SYN3: variants seen among roughly 807,000 people sequenced by gnomAD.
The protein encoded by SYN3 is synapsin III.
A neutral mutation model predicts 65.8 loss-of-function variants in SYN3; 35 were observed. The ratio of observed to expected loss-of-function variants is 0.53; its 90% CI spans 0.41 to 0.70. SYN3 has a LOEUF of 0.70. Ranked by LOEUF, SYN3 falls within the 30% of genes least tolerant of loss-of-function variation. The pLI is 0.00. For missense variants in SYN3, 680 were observed against 749.0 expected (o/e 0.91, Z 1.08); for synonymous variants, 270 against 292.9 (o/e 0.92, Z 0.80).
intron 4 of SYN3, among the ~76,000 whole-genome samples, chr22:32,898,377 A>C (rs2049658995): frequency 6.6e-6 from 1 of 152,146 alleles, no homozygotes; most frequent in Non-Finnish European, 1.5e-5. Flanking sequence ...TCTGAACCCC[A>C]GTTTCCTTGT....
At chr22:32,570,118 C>T (rs149726237) in intron 7 of SYN3, among the ~76,000 whole-genome samples, 2 of 152,252 alleles carry the variant, frequency 1.3e-5, no homozygotes, top group African/African-American at 2.4e-5. Flanking sequence ...GCATAGCTTC[C>T]GAGGTCGATT....
At chr22:32,521,295 G>GC (rs1316548938) in intron 12 of SYN3, among the ~76,000 whole-genome samples, 2 of 152,222 alleles carry the variant, frequency 1.3e-5, no homozygotes, top group East Asian at 3.9e-4. Context: ...AAACGCAGGA[G>GC]CCCCTAGGAG....
chr22:32,660,987 A>G (rs905940321), intron 6 of SYN3, among the ~76,000 whole-genome samples: 13 of 152,184 alleles, frequency 8.5e-5, no homozygotes, highest in African/African-American at 3.1e-4. Flanking sequence ...CATGGCTGGG[A>G]TCAACTTTAA....
intron 6 of SYN3, among the ~76,000 whole-genome samples, chr22:32,616,374 A>G (rs553694858): frequency 2.6e-5 from 4 of 152,246 alleles, no homozygotes; most frequent in African/African-American, 9.6e-5. Context: ...AAGGACGGAC[A>G]TGTCTCTGGC....
At chr22:32,955,981 T>G (rs2051441252) in intron 3 of SYN3, among the ~76,000 whole-genome samples, 1 of 151,326 alleles carries the variant, frequency 6.6e-6, no homozygotes, top group African/African-American at 2.4e-5. Context: ...CTCTTCAGAT[T>G]GCAGATGGCC....
intron 3 of SYN3, among the ~76,000 whole-genome samples, chr22:32,979,081 C>T (rs570999869): frequency 1.3e-5 from 2 of 151,248 alleles, no homozygotes; most frequent in South Asian, 2.1e-4. Flanking sequence ...CCTGTAGTCC[C>T]AGCTACTCAG....
At chr22:32,757,378 A>AT (rs2045325119) in intron 6 of SYN3, among the ~76,000 whole-genome samples, 3 of 143,326 alleles carry the variant, frequency 2.1e-5, no homozygotes, top group Non-Finnish European at 4.5e-5. Flanking sequence ...GCTCACCACA[A>AT]TTTCCGCCTC....
intron 6 of SYN3, 152 bp from the exon 7 acceptor site, chr22:32,596,888 C>T: frequency 4.0e-6 from 3 of 753,884 alleles, no homozygotes; most frequent in Non-Finnish European, 6.5e-6. Context: ...AGCCATGGCC[C>T]AAACACCCTC....
intron 6 of SYN3, among the ~76,000 whole-genome samples, chr22:32,825,631 C>G (rs2047380938): frequency 8.0e-6 from 1 of 124,586 alleles, no homozygotes; most frequent in Non-Finnish European, 1.6e-5. Flanking sequence ...GCACTCCAGC[C>G]TGGGCGACAG....
intron 12 of SYN3, 153 bp downstream of exon 12, chr22:32,527,765 A>C (rs2058003839): frequency 6.3e-6 from 4 of 635,438 alleles, no homozygotes; most frequent in Non-Finnish European, 1.1e-5. Flanking sequence ...CTTTTTAAAG[A>C]GTTTGACCAA....
At chr22:32,540,620 C>T (rs1392196269) in intron 8 of SYN3, among the ~76,000 whole-genome samples, 1 of 152,168 alleles carries the variant, frequency 6.6e-6, no homozygotes, top group Non-Finnish European at 1.5e-5. Context: ...TCCTTATAAC[C>T]ACAGCCCCAT....
intron 6 of SYN3, among the ~76,000 whole-genome samples, chr22:32,679,048 CTTTTTTTTTT>C (rs145971116): frequency 1.2e-5 from 1 of 85,658 alleles, no homozygotes; most frequent in Admixed American, 1.5e-4. Context: ...TTGTTTCTTT[CTTTTTTTTTT>C]TTTTTTTTTT....
At chr22:32,989,024 C>T (rs1300961877) in intron 2 of SYN3, among the ~76,000 whole-genome samples, 1 of 152,108 alleles carries the variant, frequency 6.6e-6, no homozygotes, top group Non-Finnish European at 1.5e-5. Context: ...TATATGAAGA[C>T]ACAGATTTAA....
chr22:32,609,256 G>A (rs866027530), intron 6 of SYN3, among the ~76,000 whole-genome samples: 10 of 151,904 alleles, frequency 6.6e-5, no homozygotes, highest in Non-Finnish European at 1.3e-4. Flanking sequence ...TCCGGGAGGC[G>A]GAGCTTTCGG....
At chr22:32,640,843 G>C (rs2059886488) in intron 6 of SYN3, among the ~76,000 whole-genome samples, 1 of 152,134 alleles carries the variant, frequency 6.6e-6, no homozygotes, top group Non-Finnish European at 1.5e-5. Context: ...CTCCAGCCTG[G>C]GCGACAGAGC....
intron 4 of SYN3, among the ~76,000 whole-genome samples, chr22:32,892,515 C>T (rs918825993): frequency 1.3e-5 from 2 of 152,240 alleles, no homozygotes; most frequent in African/African-American, 4.8e-5. Flanking sequence ...GTGATGAGTG[C>T]TGTGAAGGAA....
At chr22:32,521,530 C>G (rs2057882445) in intron 12 of SYN3, among the ~76,000 whole-genome samples, 1 of 150,330 alleles carries the variant, frequency 6.7e-6, no homozygotes, top group African/African-American at 2.5e-5. Flanking sequence ...CTGCAACCTC[C>G]TCTGTCTCCT....
chr22:32,630,589 T>G (rs1293966963), intron 6 of SYN3, among the ~76,000 whole-genome samples: 1 of 152,184 alleles, frequency 6.6e-6, no homozygotes, highest in African/African-American at 2.4e-5. Context: ...GGCACACTTT[T>G]AAAAAACTGA....
At chr22:32,524,155 C>T (rs977265923) in intron 12 of SYN3, among the ~76,000 whole-genome samples, 3 of 152,188 alleles carry the variant, frequency 2.0e-5, no homozygotes, top group South Asian at 2.1e-4. Flanking sequence ...CAAGTGCTGA[C>T]GAAGAAGCTG....
Sources: allele counts gnomAD v4.1 joint callset (sites outside exome capture counted in the v4.1 genomes callset), GRCh38; gene constraint gnomAD v4.1.1; transcripts MANE v1.5; gene names NCBI Gene and HGNC (gene_info 2026-07-23, HGNC 2026-07-21).